The following NEK4 variants were observed in gnomAD, a reference collection of about 807,000 sequenced individuals.
NEK4 encodes the protein NIMA related kinase 4.
A neutral mutation model predicts 98.4 loss-of-function variants in NEK4; 86 were observed. The ratio of observed to expected loss-of-function variants is 0.87; its 90% CI spans 0.73 to 1.05. The LOEUF (loss-of-function observed/expected upper bound fraction) is 1.05, where lower values mean the gene tolerates loss of function less well. Among genes scored for constraint, NEK4 ranks in the 50% least tolerant of loss-of-function variants. The probability of loss-of-function intolerance (pLI) is 0.00; values close to 1 mark genes in which losing one functional copy is unlikely to be tolerated. For synonymous variants in NEK4, 328 were observed against 342.2 expected (o/e 0.96, Z 0.46); for missense variants, 898 against 950.3 (o/e 0.94, Z 0.72).
At chr3:52,715,516 A>T (rs552254637) in intron 15 of NEK4, among the ~76,000 whole-genome samples, 2 of 152,314 alleles carry the variant, frequency 1.3e-5, no homozygotes, top group East Asian at 3.9e-4. Context: ...CCTGCCCAGT[A>T]GCTGGGATTA....
At position 52,763,541 on chromosome 3, in the gene NEK4, C is replaced by T. The variant is rs144042955; in HGVS notation, c.750G>A (p.Pro250=). The part of the protein sequence containing the change: ...TMLSKRPEER[P]SVRSILRQPY... Reference sequence around the variant, plus strand: ...GCTGCCTCAGGATGCTCCTCACAGACGGCCTTTCTTCAGGCCTTTTGCTCA... The same window carrying T: ...GCTGCCTCAGGATGCTCCTCACAGATGGCCTTTCTTCAGGCCTTTTGCTCA... The change falls in exon 5 of 16, where the codon CCG becomes CCA. Residue 250 remains proline, a synonymous_variant. Transcript: ENST00000233027. The T allele has an allele frequency of 7.9e-5, 128 of 1,613,974 alleles. No individual in the cohort carries two copies. The highest frequency in any genetic ancestry group is 1.3e-4 in the African/African-American group (10 of 74,936).
intron 6 of NEK4, among the ~76,000 whole-genome samples, chr3:52,759,881 T>C (rs918902508): frequency 3.9e-5 from 6 of 152,194 alleles, no homozygotes; most frequent in African/African-American, 9.6e-5. Context: ...CACATAATGG[T>C]AGCCAGACCT....
intron 4 of NEK4, 35 bp from the exon 5 acceptor site, chr3:52,763,659 TG>T: frequency 1.3e-6 from 2 of 1,499,082 alleles, no homozygotes; most frequent in Non-Finnish European, 1.8e-6. Context: ...TTATGACTAA[TG>T]GTCTTGTGAA....
intron 15 of NEK4, among the ~76,000 whole-genome samples, chr3:52,725,766 AAATC>A (rs1561289290): frequency 6.6e-6 from 1 of 152,154 alleles, no homozygotes; most frequent in Non-Finnish European, 1.5e-5. Context: ...ACTACAAAAA[AAATC>A]AACTAAACAC....
chr3:52,767,673 G>A (rs368669127), intron 2 of NEK4, among the ~76,000 whole-genome samples: 2 of 151,350 alleles, frequency 1.3e-5, no homozygotes, highest in African/African-American at 2.4e-5. Context: ...AGCCGAGATC[G>A]TGCCATTGCA....
At chr3:52,737,306 A>G (rs1199137992) in intron 15 of NEK4, among the ~76,000 whole-genome samples, 1 of 152,184 alleles carries the variant, frequency 6.6e-6, no homozygotes, top group Admixed American at 6.5e-5. Context: ...TGAAACCAAA[A>G]AAACTCTTAG....
At chr3:52,719,187 T>C (rs946321349) in intron 15 of NEK4, among the ~76,000 whole-genome samples, 1 of 152,196 alleles carries the variant, frequency 6.6e-6, no homozygotes, top group African/African-American at 2.4e-5. Flanking sequence ...CTCTTGTTAA[T>C]TGGACTCTGC....
In NEK4 at chr3:52,768,554, T is replaced by C. The variant is rs201670805; in HGVS notation, c.144A>G (p.Arg48=). The C allele has an allele frequency of 1.4e-5, 22 of 1,614,202 alleles. No individual in the cohort carries two copies. The highest frequency in any genetic ancestry group is 5.0e-5 in the Admixed American group (3 of 60,024). Residue 48 remains arginine, a synonymous_variant, in exon 2 of 16, where the codon CGA becomes CGG. Transcript: ENST00000233027. ...NLRNASSRER[R]AAEQEAQLLS... is the part of the protein sequence containing the mutation. Reference sequence around the variant, plus strand: ...AGAGCTGGGCTTCCTGTTCAGCAGCTCGCCGCTCTCGGCTAGAGGCATTTC... The same window carrying C: ...AGAGCTGGGCTTCCTGTTCAGCAGCCCGCCGCTCTCGGCTAGAGGCATTTC...
intron 15 of NEK4, among the ~76,000 whole-genome samples, chr3:52,722,134 C>T (rs1325074634): frequency 6.6e-6 from 1 of 152,204 alleles, no homozygotes; most frequent in African/African-American, 2.4e-5. Context: ...CCATAAAAAG[C>T]CCTGGACTCA....
chr3:52,747,790 A>AC (rs1168954745), intron 8 of NEK4, among the ~76,000 whole-genome samples: 1 of 151,692 alleles, frequency 6.6e-6, no homozygotes, highest in African/African-American at 2.4e-5. Flanking sequence ...CATTTAAAAA[A>AC]AAAAAAAAAG....
At chr3:52,738,680 G>A (rs1489625067) in intron 14 of NEK4, among the ~76,000 whole-genome samples, 2 of 151,920 alleles carry the variant, frequency 1.3e-5, no homozygotes, top group South Asian at 2.1e-4. Flanking sequence ...CAAACTCTTG[G>A]ACTCAAGCAA....
Position 52,770,813 on chromosome 3 carries a change from G to A in NEK4, c.-67C>T. 1 of 1,397,412 alleles carries A rather than the reference G, an allele frequency of 7.2e-7. No homozygotes were observed. Among genetic ancestry groups the A allele is most frequent in the South Asian group, 1.2e-5 (1 of 81,212 alleles). The allele number at this position is 1,397,412 out of a possible 1,614,324, so 86.6% of individuals were successfully genotyped here. On this transcript the variant is annotated 5_prime_UTR_variant, in exon 1 of 16. Transcript: ENST00000233027. The stretch of plus-strand genomic sequence containing the variant: ...CGGGTAGGGCAGCGGGCGGCAACAA[G>A]AAGCTCGGTTCATGCCCGAGAGGGG...
intron 15 of NEK4, among the ~76,000 whole-genome samples, chr3:52,722,542 C>A (rs2097361010): frequency 6.6e-6 from 1 of 152,068 alleles, no homozygotes; most frequent in Non-Finnish European, 1.5e-5. Context: ...TAAGTATGGA[C>A]CATTCAAAGG....
chr3:52,757,590 T>C (rs969804717), intron 6 of NEK4, among the ~76,000 whole-genome samples: 1 of 148,650 alleles, frequency 6.7e-6, no homozygotes, highest in African/African-American at 2.5e-5. Flanking sequence ...GAAATCAGGG[T>C]CTCAAAGAGA....
chr3:52,751,965 C>A lies in NEK4; in HGVS notation c.1335G>T (p.Gln445His), dbSNP rs751051307. The A allele has an allele frequency of 1.2e-6, 2 of 1,613,900 alleles. No individual in the cohort carries two copies. Among genetic ancestry groups the A allele is most frequent in the South Asian group, 2.2e-5 (2 of 91,072 alleles). Residue 445 changes from glutamine (Q) to histidine (H), a missense_variant, in exon 7 of 16, where the codon CAG becomes CAT. Gln to His is a conservative substitution (Grantham distance 24, BLOSUM62 0). Transcript: ENST00000233027. ...GEKNEPVKPL[Q>H]PLIKEQKPKD... Reference sequence around the variant, plus strand: ...TTGGCTTTTGTTCTTTGATTAGGGGCTGCAGAGGCTTCACTGGTTCATTCT... The same window carrying A: ...TTGGCTTTTGTTCTTTGATTAGGGGATGCAGAGGCTTCACTGGTTCATTCT...
intron 2 of NEK4, among the ~76,000 whole-genome samples, chr3:52,767,560 A>AC (rs1242678285): frequency 6.6e-6 from 1 of 151,402 alleles, no homozygotes; most frequent in Non-Finnish European, 1.5e-5. Context: ...AAAAATACAA[A>AC]AAAAAAAATT....
intron 4 of NEK4, among the ~76,000 whole-genome samples, chr3:52,764,786 A>ATG (rs1698493458): frequency 6.6e-6 from 1 of 151,940 alleles, no homozygotes; most frequent in Non-Finnish European, 1.5e-5. Flanking sequence ...ATGCACACAC[A>ATG]CACACACACA....
intron 10 of NEK4, among the ~76,000 whole-genome samples, chr3:52,744,847 C>T (rs2097393242): frequency 6.6e-6 from 1 of 151,902 alleles, no homozygotes; most frequent in Non-Finnish European, 1.5e-5. Flanking sequence ...TCACAGCCCT[C>T]GTTTCTGGGA....
rs568678201 is a variant in NEK4, at chr3:52,742,886, C to T, written c.2004+466G>A. Among the ~76,000 whole-genome samples the T allele has an allele frequency of 2.0e-5, 3 of 152,282 alleles. No homozygotes were observed. The East Asian group carries it at 5.8e-4, about 29-fold the overall frequency. ...CTCACTGTAGCCTCAACCTCTTGGG[C>T]TCAAGTGATCCTTCCACCTCAGCCT... On this transcript the variant is annotated intron_variant, in intron 12 of 15. Transcript: ENST00000233027.
Sources: gnomAD v4.1 joint callset for allele counts (sites outside exome capture counted in the v4.1 genomes callset) on GRCh38, gnomAD v4.1.1 for gene constraint, MANE v1.5 for transcripts, NCBI Gene and HGNC (gene_info 2026-07-23, HGNC 2026-07-21) for gene names.